The following MUC5B variants were observed in gnomAD, a reference collection of about 807,000 sequenced individuals.
The protein encoded by MUC5B is mucin 5B, oligomeric mucus/gel-forming.
In MUC5B, 116 loss-of-function variants were observed where a neutral mutation model predicts 376.9. That is an observed-to-expected ratio of 0.31 (90% CI 0.26 to 0.36). MUC5B has a LOEUF of 0.36. MUC5B is among the 10% of genes least tolerant of loss of function. The pLI, the probability that MUC5B is intolerant of heterozygous loss-of-function variation, is 1.00. For synonymous variants in MUC5B, 3,517 were observed against 3,390.9 expected (o/e 1.04, Z -1.29); for missense variants, 7,165 against 7,769.9 (o/e 0.92, Z 2.93).
Position 1,229,184 on chromosome 11 carries a change from C to A in MUC5B, c.991C>A (p.Leu331Ile), listed in dbSNP as rs764752557. ...CTTTTGCGCAGCCCGGACCTGCCCC[C>A]TCAACATGCAGCACCAGGAGTGTGG... ...CPELCPRTCP[L>I]NMQHQECGSP... Residue 331 changes from leucine to isoleucine, a missense_variant, in exon 9 of 49, where the codon CTC (leucine) becomes ATC (isoleucine). Physicochemically the swap from Leu to Ile is conservative, Grantham distance 5 (BLOSUM62 2). This residue lies in a region of MUC5B where 640 missense variants were observed against 733.0 expected (regional missense o/e 0.87). Transcript: ENST00000529681. 1 of 1,597,132 alleles carries A rather than the reference C, an allele frequency of 6.3e-7. No homozygotes were observed. The highest frequency in any genetic ancestry group is 8.5e-7 in the Non-Finnish European group (1 of 1,175,946).
intron 23 of MUC5B, 186 bp downstream of exon 23, chr11:1,235,599 G>T: frequency 1.6e-6 from 1 of 611,782 alleles, no homozygotes. Context: ...TCCTGGAGCC[G>T]GAAGTCAGAG....
At chr11:1,232,312 C>T in intron 15 of MUC5B, 138 bp from the exon 16 acceptor site, 2 of 1,340,406 alleles carry the variant, frequency 1.5e-6, no homozygotes, top group Middle Eastern at 2.1e-4. Context: ...GGCCAGGCGG[C>T]CAGAACCCCC....
At position 1,244,879 on chromosome 11, in the gene MUC5B, A is replaced by G. The variant is rs1862409277; in HGVS notation, c.7999A>G (p.Thr2667Ala). 1 of 1,612,490 alleles carries G rather than the reference A, an allele frequency of 6.2e-7. No individual in the cohort carries two copies. Among genetic ancestry groups the G allele is most frequent in the African/African-American group, 1.3e-5 (1 of 74,542 alleles). Reference sequence around the variant, plus strand: ...CCCCACAGTGCTGACCACCACCACCACAACTGTGGCCACTGGTTCTATGGC... The same window carrying G: ...CCCCACAGTGCTGACCACCACCACCGCAACTGTGGCCACTGGTTCTATGGC... The part of the protein sequence containing the change: ...HTPTVLTTTT[T>A]TVATGSMATP... The change falls in exon 31 of 49, where the codon ACA (threonine) becomes GCA (alanine). Residue 2667 changes from threonine to alanine, a missense_variant. Physicochemically the swap from Thr to Ala is moderately conservative, Grantham distance 58 (BLOSUM62 0). Transcript: ENST00000529681.
chr11:1,258,049 C>A lies in MUC5B; in HGVS notation c.16451-50C>A. On this transcript the variant is annotated intron_variant, in intron 41 of 48. Transcript: ENST00000529681. The surrounding 1 kb of genome is among the most constrained non-coding windows in gnomAD (Gnocchi z 5.5). Reference sequence around the variant, plus strand: ...GCGACTTACTCTGGGAACAAGTGGTCGGGAGGAGGAGTGAGCAGCGCCCAG... The same window carrying A: ...GCGACTTACTCTGGGAACAAGTGGTAGGGAGGAGGAGTGAGCAGCGCCCAG... 6.7e-7 allele frequency: 1 copy of A among 1,492,780 alleles called. No homozygotes were observed. Among genetic ancestry groups the A allele is most frequent in the South Asian group, 1.2e-5 (1 of 82,528 alleles). 92.5% of individuals were successfully genotyped at this position (1,492,780 alleles called of 1,614,324 possible).
In MUC5B at chr11:1,232,465, A is replaced by G; in HGVS notation, c.1859A>G (p.His620Arg). 6.2e-7 allele frequency: 1 copy of G among 1,608,450 alleles called. No individual in the cohort carries two copies. Among genetic ancestry groups the G allele is most frequent in the Non-Finnish European group, 8.5e-7 (1 of 1,178,166 alleles). Reference protein sequence around the residue: ...LSVENENYARHWCSRLTDPNS... With the variant: ...LSVENENYARRWCSRLTDPNS... ...TTCCCCACAGAGAACTACGCCCGGC[A>G]CTGGTGCTCGCGCCTGACCGATCCC... Residue 620 changes from histidine to arginine, a missense_variant, in exon 16 of 49, where the codon CAC (histidine) becomes CGC (arginine). Physicochemically the swap from His to Arg is conservative, Grantham distance 29. Around this residue, in one of 31 missense-constraint regions of MUC5B, gnomAD observed 530 missense variants for 604.0 expected, o/e 0.88. Transcript: ENST00000529681.
chr11:1,235,425 C>T lies in MUC5B; in HGVS notation c.2880+12C>T. 6.2e-7 allele frequency: 1 copy of T among 1,606,990 alleles called. No homozygotes were observed. The highest frequency in any genetic ancestry group is 8.5e-7 in the Non-Finnish European group (1 of 1,176,786). ...AGCTCTTCGTGGAGGTGAGAACGGCCCCAGCTGTGAGCACCCCCGACCCTG... is the reference window on the plus strand; with the variant it reads ...AGCTCTTCGTGGAGGTGAGAACGGCTCCAGCTGTGAGCACCCCCGACCCTG... On this transcript the variant is annotated intron_variant, in intron 23 of 48. Coordinates refer to ENST00000529681, the MANE Select transcript of MUC5B (RefSeq NM_002458.3).
rs1862174155 is a variant in MUC5B at position 1,237,009 on chromosome 11, G to A, written c.3142G>A (p.Ala1048Thr). 11 of 1,573,948 alleles carry A rather than the reference G, an allele frequency of 7.0e-6. No individual in the cohort carries two copies. Among genetic ancestry groups the A allele is most frequent in the East Asian group, 2.3e-5 (1 of 43,056 alleles). ...ATRSRSVVGD[A>T]LEFGNSWKLS... ...GCGTAGCCGGTCCGTGGTGGGGGAC[G>A]CACTGGAGTTTGGGAACAGCTGGAA... Residue 1048 changes from alanine (A) to threonine (T), a missense_variant, in exon 25 of 49, where the codon GCA (alanine) becomes ACA (threonine). Ala to Thr is a moderately conservative substitution (Grantham distance 58). Around this residue, in one of 31 missense-constraint regions of MUC5B, gnomAD observed 143 missense variants for 193.2 expected, o/e 0.74. Coordinates refer to ENST00000529681, the MANE Select transcript of MUC5B (RefSeq NM_002458.3).
chr11:1,229,421 G>A, intron 9 of MUC5B, 126 bp downstream of exon 9: 4 of 1,203,046 alleles, frequency 3.3e-6, no homozygotes, highest in Non-Finnish European at 4.5e-6. Flanking sequence ...AGGGCCCAGG[G>A]TGGGAAGGGC....
intron 25 of MUC5B, among the ~76,000 whole-genome samples, chr11:1,237,706 C>T (rs932365530): frequency 6.6e-6 from 1 of 152,058 alleles, no homozygotes; most frequent in African/African-American, 2.4e-5. Flanking sequence ...CCCGTCTCTA[C>T]AAAAAATACA....
Position 1,242,636 on chromosome 11 carries a change from C to G in MUC5B, c.5756C>G (p.Ser1919Cys). The G allele has an allele frequency of 6.2e-7, 1 of 1,613,748 alleles. No homozygotes were observed. ...ACCACAACAGCCACTACGACTGCGT[C>G]CACTGGATCCACGGCCACCCCGACC... is the stretch of plus-strand genomic sequence containing the variant. ...KPTTTATTTA[S>C]TGSTATPTST... Residue 1919 changes from serine to cysteine, a missense_variant, in exon 31 of 49, where the codon TCC (serine) becomes TGC (cysteine). Ser to Cys is a moderately radical substitution (Grantham distance 112). Transcript: ENST00000529681.
intron 17 of MUC5B, 113 bp downstream of exon 17, chr11:1,232,883 T>A (rs939682471): frequency 1.9e-5 from 28 of 1,461,686 alleles, no homozygotes; most frequent in Middle Eastern, 1.9e-4. Flanking sequence ...TTGCACTTCC[T>A]CATCCCAGCC....
In MUC5B at chr11:1,247,210, A is replaced by G; in HGVS notation, c.10330A>G (p.Thr3444Ala). 1 of 1,570,148 alleles carries G rather than the reference A, an allele frequency of 6.4e-7. No individual in the cohort carries two copies. Among genetic ancestry groups the G allele is most frequent in the Non-Finnish European group, 8.7e-7 (1 of 1,143,648 alleles). ...CTCCTCTGCCCTAGGGACCACCCAC[A>G]CACCCCCAGTGCCGAACACCACGGC... ...TPSSALGTTHTPPVPNTTATT... is the reference protein window; with the variant it reads ...TPSSALGTTHAPPVPNTTATT... Residue 3444 changes from threonine to alanine, a missense_variant, in exon 31 of 49, where the codon ACA becomes GCA. By Grantham distance (58) the Thr-to-Ala change is moderately conservative. Around this residue, in one of 31 missense-constraint regions of MUC5B, gnomAD observed 939 missense variants for 770.6 expected, o/e 1.22. Coordinates refer to ENST00000529681, the MANE Select transcript of MUC5B (RefSeq NM_002458.3).
intron 26 of MUC5B, 120 bp downstream of exon 26, chr11:1,239,147 A>G (rs746133393): frequency 1.6e-5 from 19 of 1,203,340 alleles, no homozygotes; most frequent in Non-Finnish European, 2.2e-5. Flanking sequence ...TCCAACACGC[A>G]TGTGCCTCCA....
Position 1,234,734 on chromosome 11 carries a change from G to A in MUC5B, c.2630+54G>A. ...GGTGGGGAGGGCGGGGGCGGGGAGGGCAGCGGGTGGGGAGGCAGCGGGCAG... is the reference window on the plus strand; with the variant it reads ...GGTGGGGAGGGCGGGGGCGGGGAGGACAGCGGGTGGGGAGGCAGCGGGCAG... On this transcript the variant is annotated intron_variant, in intron 21 of 48. Coordinates refer to ENST00000529681, the MANE Select transcript of MUC5B (RefSeq NM_002458.3). This position sits in a 1 kb window ranked among gnomAD's most constrained non-coding sequence, Gnocchi z 6.3. 1.1e-5 allele frequency: 5 copies of A among 446,358 alleles called. No individual in the cohort carries two copies. Among genetic ancestry groups the A allele is most frequent in the Non-Finnish European group, 2.0e-5 (5 of 245,652 alleles). 27.6% of individuals were successfully genotyped at this position (446,358 alleles called of 1,614,324 possible). A position where few individuals can be genotyped will look rare whatever the true frequency, so the allele number is the denominator to read the frequency against.
Position 1,231,535 on chromosome 11 carries a change from C to G in MUC5B, c.1653C>G (p.Asp551Glu). 6.3e-7 allele frequency: 1 copy of G among 1,587,418 alleles called. No homozygotes were observed. Among genetic ancestry groups the G allele is most frequent in the Non-Finnish European group, 8.6e-7 (1 of 1,168,728 alleles). Residue 551 changes from aspartate to glutamate, a missense_variant, in exon 14 of 49, where the codon GAC (aspartate) becomes GAG (glutamate). This residue lies in a region of MUC5B where 640 missense variants were observed against 733.0 expected (regional missense o/e 0.87). Transcript: ENST00000529681. ...VPLMQVFVRL[D>E]PAHQGQMCGL... ...TCATGCAGGTGTTTGTCAGGCTGGA[C>G]CCCGCCCACCAGGGCCAGATGTGCG...
At chr11:1,260,997 GA>G (rs1304807735) in intron 48 of MUC5B, among the ~76,000 whole-genome samples, 1 of 152,262 alleles carries the variant, frequency 6.6e-6, no homozygotes, top group Non-Finnish European at 1.5e-5. Context: ...TCCCCCTGGG[GA>G]GGGTGGGTGG....
At position 1,241,092 on chromosome 11, in the gene MUC5B, G is replaced by A. The variant is rs1291034612; in HGVS notation, c.4212G>A (p.Gly1404=). The A allele has an allele frequency of 6.2e-7, 1 of 1,612,116 alleles. No homozygotes were observed. Among genetic ancestry groups the A allele is most frequent in the African/African-American group, 1.3e-5 (1 of 74,912 alleles). ...GQQVDCDRMR[G]LMCANSQQSP... Reference sequence around the variant, plus strand: ...AGGTGGACTGTGACCGCATGCGGGGGCTGATGTGCGCCAACAGCCAACAGA... The same window carrying A: ...AGGTGGACTGTGACCGCATGCGGGGACTGATGTGCGCCAACAGCCAACAGA... The change falls in exon 31 of 49, where the codon GGG becomes GGA. Residue 1404 remains glycine, a synonymous_variant. Transcript: ENST00000529681.
chr11:1,250,918 C>G lies in MUC5B; in HGVS notation c.14038C>G (p.Leu4680Val). 6.3e-7 allele frequency: 1 copy of G among 1,595,014 alleles called. No homozygotes were observed. The highest frequency in any genetic ancestry group is 1.7e-4 in the Middle Eastern group (1 of 6,038). ...ACAGACCAGTGGTACTCCCCCATCA[C>G]TGACCACCACGGCCACTACGATCAC... ...STQTSGTPPS[L>V]TTTATTITAT... is the part of the protein sequence containing the mutation. The change falls in exon 31 of 49, where the codon CTG becomes GTG. Residue 4680 changes from leucine to valine, a missense_variant. By Grantham distance (32) the Leu-to-Val change is conservative. Around this residue, in one of 31 missense-constraint regions of MUC5B, gnomAD observed 730 missense variants for 592.7 expected, o/e 1.23. Transcript: ENST00000529681.
rs1166042633 is a variant in MUC5B at position 1,259,822 on chromosome 11, C to T, written c.16780C>T (p.Pro5594Ser). The T allele has an allele frequency of 6.2e-7, 1 of 1,612,446 alleles. No individual in the cohort carries two copies. The highest frequency in any genetic ancestry group is 8.5e-7 in the Non-Finnish European group (1 of 1,179,694). ...GECVQTACLT[P>S]DGQPVQLNET... is the part of the protein sequence containing the mutation. ...GTGCGTCCAGACCGCCTGCCTCACG[C>T]CCGATGGCCAGCCAGTCCAGGTAAC... The change falls in exon 45 of 49, where the codon CCC (proline) becomes TCC (serine). Residue 5594 changes from proline (P) to serine (S), a missense_variant. By Grantham distance (74) the Pro-to-Ser change is moderately conservative. Transcript: ENST00000529681.
Sources: allele counts gnomAD v4.1 joint callset (sites outside exome capture counted in the v4.1 genomes callset), GRCh38; gene constraint gnomAD v4.1.1; regional missense constraint gnomAD v4.1.1; non-coding constraint Gnocchi (gnomAD v3.1); transcripts MANE v1.5; gene names NCBI Gene and HGNC (gene_info 2026-07-23, HGNC 2026-07-21).